ZBTB48: variants seen among roughly 807,000 people sequenced by gnomAD.
The protein encoded by ZBTB48 is zinc finger and BTB domain-containing protein 48.
In ZBTB48, 35 loss-of-function variants were observed where a neutral mutation model predicts 64.5. The ratio of observed to expected loss-of-function variants is 0.54; its 90% CI spans 0.41 to 0.72. The LOEUF is 0.72. ZBTB48 is among the 30% of genes least tolerant of loss of function. The probability of loss-of-function intolerance (pLI) is 0.00; values close to 1 mark genes in which losing one functional copy is unlikely to be tolerated. For missense variants in ZBTB48, 828 were observed against 895.3 expected (o/e 0.92, Z 0.96); for synonymous variants, 442 against 356.7 (o/e 1.24, Z -2.70).
chr1:6,588,976 C>T lies in ZBTB48; in HGVS notation c.1831C>T (p.Arg611Cys), dbSNP rs764252915. Reference protein sequence around the residue: ...DRVENYNPRQRKLRNLIIEDE... With the variant: ...DRVENYNPRQCKLRNLIIEDE... ...GGTAGAGAACTACAACCCGCGGCAGCGCAAGCTCCGCAACCTGATCATCGA... is the reference window on the plus strand; with the variant it reads ...GGTAGAGAACTACAACCCGCGGCAGTGCAAGCTCCGCAACCTGATCATCGA... The change falls in exon 11 of 11, where the codon CGC becomes TGC. Residue 611 changes from arginine to cysteine, a missense_variant. Coordinates refer to ENST00000377674, the MANE Select transcript of ZBTB48 (RefSeq NM_005341.4). 7 of 1,600,162 alleles carry T rather than the reference C, an allele frequency of 4.4e-6. No homozygotes were observed. Among genetic ancestry groups the T allele is most frequent in the East Asian group, 2.2e-5 (1 of 44,718 alleles).
intron 6 of ZBTB48, 31 bp from the exon 7 acceptor site, chr1:6,587,447 C>G (rs751690520): frequency 1.4e-5 from 22 of 1,612,988 alleles, no homozygotes; most frequent in Non-Finnish European, 1.8e-5. Context: ...TGGCCCTGGT[C>G]CCTCCCTCTG....
chr1:6,588,446 C>A lies in ZBTB48; in HGVS notation c.1681+4C>A. On this transcript the variant is annotated splice_donor_region_variant and intron_variant, in intron 9 of 10. Transcript: ENST00000377674. ...ATATGCGGCAAGACCTTCAAAGGTA[C>A]CTGGGCGGCCCTGGGAGAGCCATTT... 1.3e-6 allele frequency: 2 copies of A among 1,505,372 alleles called. No homozygotes were observed. The highest frequency in any genetic ancestry group is 1.4e-5 in the African/African-American group (1 of 71,540). The allele number at this position is 1,505,372 out of a possible 1,614,324, so 93.3% of individuals were successfully genotyped here. A position where few individuals can be genotyped will look rare whatever the true frequency, so the allele number is the denominator to read the frequency against.
At chr1:6,581,359 G>A (rs1208324609) in intron 2 of ZBTB48, 60 bp downstream of exon 2, 11 of 1,480,656 alleles carry the variant, frequency 7.4e-6, no homozygotes, top group East Asian at 2.4e-5. Context: ...CACTTTTTTG[G>A]TATAATAGGG....
At chr1:6,581,324 T>G in intron 2 of ZBTB48, 25 bp downstream of exon 2, 1 of 1,556,116 alleles carries the variant, frequency 6.4e-7, no homozygotes, top group Non-Finnish European at 8.7e-7. Flanking sequence ...GTGTTGGGAC[T>G]GGGGAGACAA....
In ZBTB48 at chr1:6,584,565, C is replaced by T. The variant is rs1428491756; in HGVS notation, c.933-1354C>T. Reference sequence around the variant, plus strand: ...GGGAAACCCGTTCGCTGTCCCTGTGCACCGTGTTCAGGGCAGCTGCTGCCA... The same window carrying T: ...GGGAAACCCGTTCGCTGTCCCTGTGTACCGTGTTCAGGGCAGCTGCTGCCA... On this transcript the variant is annotated intron_variant, in intron 3 of 10. Coordinates refer to ENST00000377674, the MANE Select transcript of ZBTB48 (RefSeq NM_005341.4). The surrounding 1 kb of genome is among the most constrained non-coding windows in gnomAD (Gnocchi z 4.5). 1.3e-5 allele frequency among the ~76,000 whole-genome samples: 2 copies of T among 152,272 alleles called. No homozygotes were observed. Among genetic ancestry groups the T allele is most frequent in the Non-Finnish European group, 2.9e-5 (2 of 68,054 alleles).
chr1:6,587,121 G>A lies in ZBTB48; in HGVS notation c.1138-84G>A, dbSNP rs758390601. On this transcript the variant is annotated intron_variant, in intron 5 of 10. Transcript: ENST00000377674. The stretch of plus-strand genomic sequence containing the variant: ...ATCATCTCACCGGGGCCTCCCTCTA[G>A]TTCCTGCCCTATAGCCCAAGGGTGG... 1.8e-5 allele frequency: 26 copies of A among 1,450,292 alleles called. 1 individual carries two copies. Among genetic ancestry groups the A allele is most frequent in the Non-Finnish European group, 2.5e-5 (26 of 1,036,662 alleles). The allele number at this position is 1,450,292 out of a possible 1,614,324, so 89.8% of individuals were successfully genotyped here.
chr1:6,586,776 A>G lies in ZBTB48; in HGVS notation c.1126A>G (p.Met376Val). 6.2e-7 allele frequency: 1 copy of G among 1,608,914 alleles called. No individual in the cohort carries two copies. Among genetic ancestry groups the G allele is most frequent in the South Asian group, 1.1e-5 (1 of 90,586 alleles). Reference sequence around the variant, plus strand: ...GCACATGGTGTCTCACACAGGGGAGATGCCCTACAAGGTCAGGCTTGGCCT... The same window carrying G: ...GCACATGGTGTCTCACACAGGGGAGGTGCCCTACAAGGTCAGGCTTGGCCT... ...RVHMVSHTGE[M>V]PYKCSSCSQQ... Residue 376 changes from methionine (M) to valine (V), a missense_variant, in exon 5 of 11, where the codon ATG (methionine) becomes GTG (valine). Transcript: ENST00000377674.
chr1:6,586,912 G>A, intron 5 of ZBTB48, 125 bp downstream of exon 5: 1 of 1,071,750 alleles, frequency 9.3e-7, no homozygotes. Flanking sequence ...TGCCTTCCCT[G>A]CCTTCCCTGC....
At position 6,584,561 on chromosome 1, in the gene ZBTB48, T is replaced by C. The variant is rs1477280861; in HGVS notation, c.933-1358T>C. Among the ~76,000 whole-genome samples the C allele has an allele frequency of 6.6e-6, 1 of 152,242 alleles. No individual in the cohort carries two copies. Among genetic ancestry groups the C allele is most frequent in the African/African-American group, 2.4e-5 (1 of 41,470 alleles). On this transcript the variant is annotated intron_variant, in intron 3 of 10. Coordinates refer to ENST00000377674, the MANE Select transcript of ZBTB48 (RefSeq NM_005341.4). The surrounding 1 kb of genome is among the most constrained non-coding windows in gnomAD (Gnocchi z 4.5). ...CAGGGGGAAACCCGTTCGCTGTCCC[T>C]GTGCACCGTGTTCAGGGCAGCTGCT... is the stretch of plus-strand genomic sequence containing the variant.
rs753216549 is a variant in ZBTB48 at position 6,580,865 on chromosome 1, G to A, written c.256G>A (p.Ala86Thr). ...LLDFFYTGHL[A>T]LTSGNRDQVL... is the part of the protein sequence containing the mutation. The stretch of plus-strand genomic sequence containing the variant: ...GGACTTTTTCTACACTGGTCACCTC[G>A]CTCTCACCTCAGGGAACCGGGATCA... Residue 86 changes from alanine to threonine, a missense_variant, in exon 2 of 11, where the codon GCT becomes ACT. Coordinates refer to ENST00000377674, the MANE Select transcript of ZBTB48 (RefSeq NM_005341.4). This position sits in a 1 kb window ranked among gnomAD's most constrained non-coding sequence, Gnocchi z 5.2. The A allele has an allele frequency of 5.0e-6, 8 of 1,614,102 alleles. No individual in the cohort carries two copies. Among genetic ancestry groups the A allele is most frequent in the South Asian group, 4.4e-5 (4 of 91,086 alleles).
In ZBTB48 at chr1:6,582,184, G is replaced by A. The variant is rs770152210; in HGVS notation, c.817G>A (p.Ala273Thr). The change falls in exon 3 of 11, where the codon GCG (alanine) becomes ACG (threonine). Residue 273 changes from alanine (A) to threonine (T), a missense_variant. Coordinates refer to ENST00000377674, the MANE Select transcript of ZBTB48 (RefSeq NM_005341.4). ...CTGTGCAGCTGAGCCAGCCCTGAGC[G>A]CGGGCTCCCTAGCAGCTGAGCCTGC... ...KPCAAEPALS[A>T]GSLAAEPAEN... The A allele has an allele frequency of 1.9e-6, 3 of 1,614,230 alleles. No homozygotes were observed. The highest frequency in any genetic ancestry group is 1.1e-5 in the South Asian group (1 of 91,086).
In ZBTB48 at chr1:6,588,134, G is replaced by A. The variant is rs1403387632; in HGVS notation, c.1454G>A (p.Arg485His). ...AAGGCCAATCTCAACATGCACCTGC[G>A]CACACACACGGGTGAGAAGCCCTTC... ...TQKANLNMHLRTHTGEKPFQC... is the reference protein window; with the variant it reads ...TQKANLNMHLHTHTGEKPFQC... Residue 485 changes from arginine (R) to histidine (H), a missense_variant, in exon 8 of 11, where the codon CGC becomes CAC. Physicochemically the swap from Arg to His is conservative, Grantham distance 29. Coordinates refer to ENST00000377674, the MANE Select transcript of ZBTB48 (RefSeq NM_005341.4). 3.1e-6 allele frequency: 5 copies of A among 1,614,018 alleles called. No homozygotes were observed. The highest frequency in any genetic ancestry group is 1.6e-4 in the Middle Eastern group (1 of 6,084).
rs1557817214 is a variant in ZBTB48, at chr1:6,580,910, G to A, written c.301G>A (p.Glu101Lys). Residue 101 changes from glutamate to lysine, a missense_variant, in exon 2 of 11, where the codon GAG (glutamate) becomes AAG (lysine). By Grantham distance (56) the Glu-to-Lys change is moderately conservative. Transcript: ENST00000377674. This position sits in a 1 kb window ranked among gnomAD's most constrained non-coding sequence, Gnocchi z 5.2. ...GGATCAGGTGCTCCTGGCAGCCAGG[G>A]AGTTGCGAGTGCCAGAGGCCGTAGA... ...NRDQVLLAAR[E>K]LRVPEAVELC... 1.9e-6 allele frequency: 3 copies of A among 1,614,106 alleles called. No homozygotes were observed. The highest frequency in any genetic ancestry group is 2.5e-6 in the Non-Finnish European group (3 of 1,180,040).
Position 6,584,447 on chromosome 1 carries a change from T to G in ZBTB48, c.933-1472T>G, listed in dbSNP as rs1396178736. ...GTGGCATGCCTTCCAGTCCTGCCAC[T>G]CCCAGCCAAGACATCACTAGTCTAT... On this transcript the variant is annotated intron_variant, in intron 3 of 10. Transcript: ENST00000377674. This position sits in a 1 kb window ranked among gnomAD's most constrained non-coding sequence, Gnocchi z 4.5. Among the ~76,000 whole-genome samples the G allele has an allele frequency of 6.6e-6, 1 of 152,112 alleles. No homozygotes were observed. The highest frequency in any genetic ancestry group is 1.5e-5 in the Non-Finnish European group (1 of 68,006).
chr1:6,584,525 A>G lies in ZBTB48; in HGVS notation c.933-1394A>G, dbSNP rs1274254321. The stretch of plus-strand genomic sequence containing the variant: ...TTGGGCGGCACACTAGTAATCACCT[A>G]GAATGGGAGCCAGGGGGAAACCCGT... On this transcript the variant is annotated intron_variant, in intron 3 of 10. Transcript: ENST00000377674. The surrounding 1 kb of genome is among the most constrained non-coding windows in gnomAD (Gnocchi z 4.5). 1.3e-5 allele frequency among the ~76,000 whole-genome samples: 2 copies of G among 152,254 alleles called. No homozygotes were observed. Among genetic ancestry groups the G allele is most frequent in the African/African-American group, 4.8e-5 (2 of 41,476 alleles).
chr1:6,580,152 G>A lies in ZBTB48; in HGVS notation c.-70+16G>A, dbSNP rs546750647. 1.1e-3 allele frequency: 205 copies of A among 192,370 alleles called. 1 individual carries two copies. The highest frequency in any genetic ancestry group is 4.7e-3 in the African/African-American group (196 of 42,066). 11.9% of individuals were successfully genotyped at this position (192,370 alleles called of 1,614,324 possible). A position where few individuals can be genotyped will look rare whatever the true frequency, so the allele number is the denominator to read the frequency against. ...ACCTGCCTGGGTGAGGAGGGCGCGGGGTGAGGGAGGGAGGGGCTGCGGGCC... is the reference window on the plus strand; with the variant it reads ...ACCTGCCTGGGTGAGGAGGGCGCGGAGTGAGGGAGGGAGGGGCTGCGGGCC... On this transcript the variant is annotated intron_variant, in intron 1 of 10. Coordinates refer to ENST00000377674, the MANE Select transcript of ZBTB48 (RefSeq NM_005341.4). This position sits in a 1 kb window ranked among gnomAD's most constrained non-coding sequence, Gnocchi z 5.2.
rs1001886888 is a variant in ZBTB48 at position 6,586,009 on chromosome 1, T to A, written c.1023T>A (p.Asn341Lys). The A allele has an allele frequency of 1.9e-6, 3 of 1,613,980 alleles. No individual in the cohort carries two copies. In the African/African-American group the frequency reaches 4.0e-5, roughly 22 times the overall value. Residue 341 changes from asparagine (N) to lysine (K), a missense_variant, in exon 4 of 11, where the codon AAT (asparagine) becomes AAA (lysine). Transcript: ENST00000377674. ...KENLLEHEAR[N>K]CMNRSEQVFT... is the part of the protein sequence containing the mutation. The stretch of plus-strand genomic sequence containing the variant: ...ACCTCCTGGAGCATGAAGCCCGGAA[T>A]TGCATGAACCGCTCGGAACAGGTAC...
chr1:6,586,959 C>G, intron 5 of ZBTB48, 172 bp downstream of exon 5: 1 of 895,840 alleles, frequency 1.1e-6, no homozygotes, highest in South Asian at 1.4e-5. Flanking sequence ...GGGCTACTGT[C>G]TGCAGCCTCA....
At chr1:6,588,219 C>G in intron 8 of ZBTB48, 23 bp downstream of exon 8, 1 of 1,613,506 alleles carries the variant, frequency 6.2e-7, no homozygotes, top group Admixed American at 1.7e-5. Context: ...CTGCCCCTCC[C>G]CTCGCCTCCC....
Sources: gnomAD v4.1 joint callset for allele counts (sites outside exome capture counted in the v4.1 genomes callset) on GRCh38, gnomAD v4.1.1 for gene constraint, Gnocchi (gnomAD v3.1) non-coding constraint, MANE v1.5 for transcripts, NCBI Gene and HGNC (gene_info 2026-07-23, HGNC 2026-07-21) for gene names.